Variants in SAP130 observed in about 807,000 individuals in gnomAD.
SAP130 encodes Sin3A associated protein 130, also known as histone deacetylase complex subunit SAP130.
In SAP130, 16 loss-of-function variants were observed where a neutral mutation model predicts 103.2. That is an observed-to-expected ratio of 0.16 (90% CI 0.10 to 0.24). The LOEUF is 0.24. SAP130 is among the 10% of genes least tolerant of loss of function. The pLI, the probability that SAP130 is intolerant of heterozygous loss-of-function variation, is 1.00. For missense variants in SAP130, 990 were observed against 1,359.7 expected, an observed-to-expected ratio of 0.73 and a Z score of 4.28; for synonymous variants, 477 against 497.0, an observed-to-expected ratio of 0.96 and a Z score of 0.53.
Position 127,942,246 on chromosome 2 carries a change from G to T in SAP130, c.3016-82C>A. ...AAAAAACTGCTTGCCTTTGGGCAGAGGCCATGTTGAGGCTTCCACAACAGA... is the reference window on the plus strand; with the variant it reads ...AAAAAACTGCTTGCCTTTGGGCAGATGCCATGTTGAGGCTTCCACAACAGA... On this transcript the variant is annotated intron_variant, in intron 20 of 20. Transcript: ENST00000643581. The surrounding 1 kb of genome is among the most constrained non-coding windows in gnomAD (Gnocchi z 4.8). 7.3e-7 allele frequency: 1 copy of T among 1,372,312 alleles called. No individual in the cohort carries two copies. The highest frequency in any genetic ancestry group is 1.0e-6 in the Non-Finnish European group (1 of 998,436). 85.0% of individuals were successfully genotyped at this position (1,372,312 alleles called of 1,614,324 possible).
In SAP130 at chr2:127,969,025, C is replaced by T. The variant is rs180957688; in HGVS notation, c.2063+8960G>A. On this transcript the variant is annotated intron_variant, in intron 15 of 20. Transcript: ENST00000643581. ...TATTTATCTTTCCCCTTATTGAAAA[C>T]GCTTACCAATCTCTGCTTAGATGAT... Among the ~76,000 whole-genome samples the T allele has an allele frequency of 3.4e-3, 511 of 152,202 alleles. 2 individuals are homozygous for T. Among genetic ancestry groups the T allele is most frequent in the African/African-American group, 0.011 (475 of 41,526 alleles).
Position 127,996,427 on chromosome 2 carries a change from C to T in SAP130, c.1278G>A (p.Glu426=). ...SPRIQPDYPA[E]RSSLIPISGH... ...CGGAGATGGGAATCAGGCTACTCCTCTCGGCAGGGTAGTCTGGCTGGATCC... is the reference window on the plus strand; with the variant it reads ...CGGAGATGGGAATCAGGCTACTCCTTTCGGCAGGGTAGTCTGGCTGGATCC... The change falls in exon 11 of 21, where the codon GAG becomes GAA. Residue 426 remains glutamate, a synonymous_variant. Transcript: ENST00000643581. This position sits in a 1 kb window ranked among gnomAD's most constrained non-coding sequence, Gnocchi z 4.3. 1 of 1,609,778 alleles carries T rather than the reference C, an allele frequency of 6.2e-7. No individual in the cohort carries two copies. Among genetic ancestry groups the T allele is most frequent in the Non-Finnish European group, 8.5e-7 (1 of 1,178,070 alleles).
In SAP130 at chr2:127,983,820, G is replaced by GTTT. The variant is rs1455013059; in HGVS notation, c.1958+2964_1958+2965insAAA. Among the ~76,000 whole-genome samples, 161 of 112,302 alleles carry GTTT rather than the reference G, an allele frequency of 1.4e-3. 5 individuals carry two copies. Among genetic ancestry groups the GTTT allele is most frequent in the African/African-American group, 5.8e-3 (153 of 26,518 alleles). The allele number at this position is 112,302 out of a possible 152,430, so 73.7% of individuals were successfully genotyped here. Reference sequence around the variant, plus strand: ...AGTTTTGGTAATTTTCTATTACTTTGTTGTTTTTTTTTTTTTTTTTTTTTT... The same window carrying GTTT: ...AGTTTTGGTAATTTTCTATTACTTTGTTTTTGTTTTTTTTTTTTTTTTTTTTTT... On this transcript the variant is annotated intron_variant, in intron 14 of 20. Coordinates refer to ENST00000643581, the MANE Select transcript of SAP130 (RefSeq NM_001330301.2).
chr2:128,026,184 T>C lies in SAP130; in HGVS notation c.109A>G (p.Thr37Ala), dbSNP rs1558709591. 2 of 1,603,932 alleles carry C rather than the reference T, an allele frequency of 1.2e-6. No individual in the cohort carries two copies. The highest frequency in any genetic ancestry group is 1.1e-5 in the South Asian group (1 of 90,834). ...ATTAGAATATTACATATCTCACCTG[T>C]AGCAGCTGGGTTTATCAATCCAGCA... ...GSAGLINPAA[T>A]VNDESGRDSE... The change falls in exon 2 of 21, where the codon ACA (threonine) becomes GCA (alanine). Residue 37 changes from threonine (T) to alanine (A), a missense_variant. By Grantham distance (58) the Thr-to-Ala change is moderately conservative. Transcript: ENST00000643581.
intron 19 of SAP130, among the ~76,000 whole-genome samples, chr2:127,944,730 C>A (rs564507662): frequency 6.6e-6 from 1 of 151,818 alleles, no homozygotes; most frequent in South Asian, 2.1e-4. Flanking sequence ...CTGGCCTCTA[C>A]AAAAAATTTT....
At chr2:127,990,318 T>C (rs2105016340) in intron 12 of SAP130, among the ~76,000 whole-genome samples, 1 of 151,584 alleles carries the variant, frequency 6.6e-6, no homozygotes, top group Non-Finnish European at 1.5e-5. Flanking sequence ...CAAGCAAGTG[T>C]CCTGTGTCTT....
At chr2:127,949,119 A>C (rs1368671883) in intron 18 of SAP130, among the ~76,000 whole-genome samples, 1 of 152,194 alleles carries the variant, frequency 6.6e-6, no homozygotes, top group East Asian at 1.9e-4. Context: ...CTGCTTACTT[A>C]GTCAGTACTC....
intron 16 of SAP130, 90 bp from the exon 17 acceptor site, chr2:127,950,498 A>C (rs1271627305): frequency 4.9e-6 from 7 of 1,414,622 alleles, no homozygotes; most frequent in Non-Finnish European, 6.8e-6. Context: ...ATGATTAAGA[A>C]GACAGCACAG....
At chr2:128,024,841 T>C (rs1685393532) in intron 2 of SAP130, among the ~76,000 whole-genome samples, 1 of 151,686 alleles carries the variant, frequency 6.6e-6, no homozygotes, top group Admixed American at 6.6e-5. Flanking sequence ...ATCGCACCAC[T>C]GCACTCCAGC....
chr2:128,027,007 G>C (rs1370559263), intron 1 of SAP130: 2 of 1,246,024 alleles, frequency 1.6e-6, no homozygotes, highest in Non-Finnish European at 2.1e-6. Flanking sequence ...AGACACCTCG[G>C]AGTGTGAGAC....
chr2:127,961,613 C>G (rs1014490889), intron 15 of SAP130, among the ~76,000 whole-genome samples: 6 of 150,856 alleles, frequency 4.0e-5, no homozygotes, highest in Non-Finnish European at 7.4e-5. Context: ...AGTATAAAGA[C>G]CAATACAGGT....
intron 2 of SAP130, among the ~76,000 whole-genome samples, chr2:128,019,876 T>G (rs1685035825): frequency 6.6e-6 from 1 of 150,998 alleles, no homozygotes; most frequent in African/African-American, 2.4e-5. Flanking sequence ...CAAAACTCTG[T>G]GTCAAAAAAA....
chr2:127,977,848 C>T lies in SAP130; in HGVS notation c.2063+137G>A, dbSNP rs377137569. On this transcript the variant is annotated intron_variant, in intron 15 of 20. Transcript: ENST00000643581. ...CGTGTGTTACAATTTTCTATGATGG[C>T]GGCTGAGAATAGCCACTGCACTCCA... 24 of 653,682 alleles carry T rather than the reference C, an allele frequency of 3.7e-5. No homozygotes were observed. In the East Asian group the frequency reaches 3.9e-4, roughly 11 times the overall value. The allele number at this position is 653,682 out of a possible 1,614,324, so 40.5% of individuals were successfully genotyped here.
chr2:127,982,567 C>T (rs146673742), intron 14 of SAP130, among the ~76,000 whole-genome samples: 241 of 152,244 alleles, frequency 1.6e-3, no homozygotes, highest in African/African-American at 5.4e-3. Flanking sequence ...GAGAAGGAAA[C>T]GTAAAATAGT....
chr2:128,010,385 T>A lies in SAP130; in HGVS notation c.753A>T (p.Pro251=). 6.2e-7 allele frequency: 1 copy of A among 1,610,586 alleles called. No individual in the cohort carries two copies. The highest frequency in any genetic ancestry group is 8.5e-7 in the Non-Finnish European group (1 of 1,178,674). ...GGATGGCATTGGAGGTGGTCACAGGTGGCCGAGACTACCAAAAGAGAAAAA... is the reference window on the plus strand; with the variant it reads ...GGATGGCATTGGAGGTGGTCACAGGAGGCCGAGACTACCAAAAGAGAAAAA... ...HIIHQPIQSR[P]PVTTSNAIPP... is the part of the protein sequence containing the mutation. Residue 251 remains proline, a synonymous_variant, in exon 7 of 21, where the codon CCA becomes CCT. Transcript: ENST00000643581.
chr2:128,023,047 G>A (rs1685261135), intron 2 of SAP130, among the ~76,000 whole-genome samples: 1 of 149,940 alleles, frequency 6.7e-6, no homozygotes, highest in East Asian at 2.0e-4. Flanking sequence ...AGGCTGAAGT[G>A]CAGTGGCGCT....
At chr2:127,992,891 C>A (rs1682910669) in intron 12 of SAP130, among the ~76,000 whole-genome samples, 1 of 151,852 alleles carries the variant, frequency 6.6e-6, no homozygotes, top group African/African-American at 2.4e-5. Context: ...CAATGGAAAC[C>A]CTATAAAAGT....
rs556550022 is a variant in SAP130, at chr2:127,964,130, G to C, written c.2064-8786C>G. On this transcript the variant is annotated intron_variant, in intron 15 of 20. Coordinates refer to ENST00000643581, the MANE Select transcript of SAP130 (RefSeq NM_001330301.2). ...CGATGACCTGAGCCGAGGAGTTCAA[G>C]GCTTCAGTGAACTGTTTCACACCCA... 4.6e-4 allele frequency among the ~76,000 whole-genome samples: 70 copies of C among 152,268 alleles called. 1 individual carries two copies. Among genetic ancestry groups the C allele is most frequent in the East Asian group, 2.3e-3 (12 of 5,188 alleles).
chr2:127,993,382 T>C (rs897370309), intron 11 of SAP130, 74 bp from the exon 12 acceptor site: 5 of 1,470,500 alleles, frequency 3.4e-6, no homozygotes, highest in Non-Finnish European at 4.5e-6. Flanking sequence ...TATACCCCAG[T>C]TCCTCTTTGT....
Sources: gnomAD v4.1 joint callset for allele counts (sites outside exome capture counted in the v4.1 genomes callset) on GRCh38, gnomAD v4.1.1 for gene constraint, Gnocchi (gnomAD v3.1) non-coding constraint, MANE v1.5 for transcripts, NCBI Gene and HGNC (gene_info 2026-07-23, HGNC 2026-07-21) for gene names.